LDLRAD4: variants seen among roughly 807,000 people sequenced by gnomAD.
LDLRAD4 encodes low-density lipoprotein receptor class A domain-containing protein 4.
Under a neutral mutation model 17.0 loss-of-function variants are expected in LDLRAD4, and 5 were observed. That is an observed-to-expected ratio of 0.29 (90% CI 0.15 to 0.62). LDLRAD4 has a LOEUF of 0.62. LDLRAD4 is among the 20% of genes least tolerant of loss of function. LDLRAD4 has a pLI of 0.84. For missense variants in LDLRAD4, 340 were observed against 424.7 expected (o/e 0.80, Z 1.75); for synonymous variants, 168 against 171.8 (o/e 0.98, Z 0.17).
chr18:13,501,750 TC>T (rs1157985921), intron 3 of LDLRAD4, among the ~76,000 whole-genome samples: 1 of 152,090 alleles, frequency 6.6e-6, no homozygotes, highest in Non-Finnish European at 1.5e-5. Flanking sequence ...CACACGCATG[TC>T]CCTCTCTCTG....
chr18:13,339,212 CT>C (rs35423798), intron 1 of LDLRAD4, among the ~76,000 whole-genome samples: 48,162 of 142,990 alleles, frequency 0.34, 7,741 homozygotes, highest in South Asian at 0.42. Context: ...AGTATCACTA[CT>C]TTTTTTTTTT....
intron 2 of LDLRAD4, among the ~76,000 whole-genome samples, chr18:13,429,382 A>T (rs968647544): frequency 9.9e-5 from 15 of 152,236 alleles, no homozygotes; most frequent in African/African-American, 3.6e-4. Flanking sequence ...GGCCCAGAGC[A>T]TCTTTTTATA....
At chr18:13,480,301 G>C (rs1181463912) in intron 3 of LDLRAD4, among the ~76,000 whole-genome samples, 1 of 152,220 alleles carries the variant, frequency 6.6e-6, no homozygotes, top group Admixed American at 6.5e-5. Context: ...CTGTGACTAA[G>C]TGAAAGAAGC....
chr18:13,475,852 T>C (rs1450370749), intron 3 of LDLRAD4, among the ~76,000 whole-genome samples: 1 of 152,152 alleles, frequency 6.6e-6, no homozygotes, highest in East Asian at 1.9e-4. Context: ...GGGGTATGAC[T>C]GTGCTTCTGA....
At chr18:13,361,285 G>T (rs1379532224) in intron 1 of LDLRAD4, among the ~76,000 whole-genome samples, 1 of 152,162 alleles carries the variant, frequency 6.6e-6, no homozygotes, top group Non-Finnish European at 1.5e-5. Context: ...CACCTTGTTA[G>T]CCAGGATGGT....
At chr18:13,463,696 G>A (rs1049040002) in intron 3 of LDLRAD4, among the ~76,000 whole-genome samples, 25 of 152,092 alleles carry the variant, frequency 1.6e-4, no homozygotes, top group African/African-American at 6.0e-4. Context: ...AGCACCTTGG[G>A]GCTTCACAGA....
Position 13,471,830 on chromosome 18 carries a change from G to A in LDLRAD4, c.181+33446G>A, listed in dbSNP as rs192353746. On this transcript the variant is annotated intron_variant, in intron 3 of 5. Transcript: ENST00000359446. ...GACTCCATTTTTCTTGAAGAACAGT[G>A]TTGTTTGTTTTATTTTATTTTCTTT... 3 of 152,228 alleles carry A rather than the reference G, an allele frequency of 2.0e-5. No homozygotes were observed. In the South Asian group the frequency reaches 6.2e-4, roughly 32 times the overall value. 9.4% of individuals were successfully genotyped at this position (152,228 alleles called of 1,614,324 possible).
chr18:13,495,810 T>G (rs548433726), intron 3 of LDLRAD4, among the ~76,000 whole-genome samples: 7 of 152,346 alleles, frequency 4.6e-5, no homozygotes, highest in African/African-American at 1.4e-4. Context: ...TTTCTCTGCC[T>G]GGATCATACG....
At chr18:13,256,881 G>A (rs1308892987) in intron 1 of LDLRAD4, among the ~76,000 whole-genome samples, 2 of 152,154 alleles carry the variant, frequency 1.3e-5, no homozygotes, top group African/African-American at 2.4e-5. Flanking sequence ...TTGTTGGAAC[G>A]AAGTTGCCAT....
chr18:13,258,584 A>G (rs188625038), intron 1 of LDLRAD4, among the ~76,000 whole-genome samples: 480 of 152,340 alleles, frequency 3.2e-3, no homozygotes, highest in African/African-American at 0.011. Context: ...GGAATAATCT[A>G]TTGAGTGTGA....
chr18:13,523,133 A>G (rs1310003415), intron 3 of LDLRAD4, among the ~76,000 whole-genome samples: 3 of 152,028 alleles, frequency 2.0e-5, no homozygotes, highest in African/African-American at 7.3e-5. Context: ...CAAGACCCCC[A>G]CCCCAAGATG....
At chr18:13,620,994 C>A in intron 3 of LDLRAD4, 123 bp from the exon 5 acceptor site, 2 of 1,368,190 alleles carry the variant, frequency 1.5e-6, no homozygotes, top group Non-Finnish European at 1.0e-6. Flanking sequence ...TCCTGCTGGC[C>A]TCTGAGGAAC....
At chr18:13,254,389 G>GA (rs2043390043) in intron 1 of LDLRAD4, among the ~76,000 whole-genome samples, 1 of 152,222 alleles carries the variant, frequency 6.6e-6, no homozygotes, top group South Asian at 2.1e-4. Flanking sequence ...GTTTGCACTG[G>GA]GCCACGGTCT....
intron 2 of LDLRAD4, among the ~76,000 whole-genome samples, chr18:13,418,920 A>AT (rs1410403268): frequency 6.6e-6 from 1 of 152,138 alleles, no homozygotes; most frequent in Non-Finnish European, 1.5e-5. Flanking sequence ...GGAAATAGAG[A>AT]TTTTATATAA....
intron 1 of LDLRAD4, among the ~76,000 whole-genome samples, chr18:13,356,387 G>A (rs143785535): frequency 5.9e-5 from 9 of 152,328 alleles, no homozygotes; most frequent in South Asian, 4.1e-4. Context: ...CTTAAAGCTA[G>A]TGTAGCTTAT....
intron 2 of LDLRAD4, among the ~76,000 whole-genome samples, chr18:13,435,884 T>C (rs1180996430): frequency 6.6e-6 from 1 of 152,252 alleles, no homozygotes; most frequent in Admixed American, 6.5e-5. Context: ...TGGGGAACTT[T>C]GTTATGCATG....
chr18:13,631,156 A>G (rs1230241184), intron 4 of LDLRAD4, among the ~76,000 whole-genome samples: 1 of 152,254 alleles, frequency 6.6e-6, no homozygotes, highest in African/African-American at 2.4e-5. Flanking sequence ...CTGTCCTTTA[A>G]TAATATGAGA....
intron 1 of LDLRAD4, among the ~76,000 whole-genome samples, chr18:13,225,473 G>T (rs1239831259): frequency 5.3e-5 from 8 of 152,232 alleles, no homozygotes; most frequent in African/African-American, 1.9e-4. Context: ...CCGGCATGGG[G>T]CTGATTAAGT....
intron 1 of LDLRAD4, among the ~76,000 whole-genome samples, chr18:13,228,604 G>A (rs556662063): frequency 6.6e-6 from 1 of 152,214 alleles, no homozygotes; most frequent in Admixed American, 6.5e-5. Context: ...TGCTACTTTG[G>A]CTATGAAGAT....
Sources: allele counts gnomAD v4.1 joint callset (sites outside exome capture counted in the v4.1 genomes callset), GRCh38; gene constraint gnomAD v4.1.1; transcripts MANE v1.5; gene names NCBI Gene and HGNC (gene_info 2026-07-23, HGNC 2026-07-21).